The following RAB7A variants were observed in gnomAD, a reference collection of about 807,000 sequenced individuals.
RAB7A encodes the protein ras-related protein Rab-7a.
In RAB7A, 2 loss-of-function variants were observed where a neutral mutation model predicts 24.5. The observed-to-expected ratio is 0.08, with a 90% confidence interval of 0.03 to 0.26. The LOEUF is 0.26. Ranked by LOEUF, RAB7A falls within the 10% of genes least tolerant of loss-of-function variation. The pLI is 1.00. For synonymous variants in RAB7A, 100 were observed against 95.9 expected, an observed-to-expected ratio of 1.04 and a Z score of -0.25; for missense variants, 118 against 255.7, an observed-to-expected ratio of 0.46 and a Z score of 3.67.
chr3:128,765,654 G>C (rs540387744), intron 1 of RAB7A, among the ~76,000 whole-genome samples: 1 of 152,274 alleles, frequency 6.6e-6, no homozygotes, highest in South Asian at 2.1e-4. Context: ...ATGGTGGAAG[G>C]GGCGAGGTGG....
At chr3:128,744,588 A>T (rs1186963634) in intron 1 of RAB7A, among the ~76,000 whole-genome samples, 1 of 152,212 alleles carries the variant, frequency 6.6e-6, no homozygotes, top group African/African-American at 2.4e-5. Flanking sequence ...GTGATCTGCT[A>T]AGCTGCTTTG....
intron 1 of RAB7A, among the ~76,000 whole-genome samples, chr3:128,732,284 C>G (rs1480243287): frequency 6.6e-6 from 1 of 151,784 alleles, no homozygotes; most frequent in African/African-American, 2.4e-5. Context: ...GTGATCCGCC[C>G]GCCTTGGCCT....
intron 1 of RAB7A, among the ~76,000 whole-genome samples, chr3:128,751,074 A>T (rs1469471037): frequency 1.3e-5 from 2 of 152,244 alleles, no homozygotes; most frequent in Non-Finnish European, 2.9e-5. Context: ...ATTTCAGAGG[A>T]TGCATTGAAA....
At chr3:128,752,726 GA>G (rs142636533) in intron 1 of RAB7A, among the ~76,000 whole-genome samples, 6,072 of 147,374 alleles carry the variant, frequency 0.041, 173 homozygotes, top group Non-Finnish European at 0.057. Flanking sequence ...TTGGTCTCAA[GA>G]AGCTTTTCCT....
rs532503337 is a variant in RAB7A at position 128,804,349 on chromosome 3, C to T, written c.181-2023C>T. On this transcript the variant is annotated intron_variant, in intron 3 of 5. Transcript: ENST00000265062. The stretch of plus-strand genomic sequence containing the variant: ...AAGCCCTTTAAAGTTAACTCCCACA[C>T]TGCTTTCAGAGAACAGCTGCCCCTT... Among the ~76,000 whole-genome samples the T allele has an allele frequency of 7.2e-5, 11 of 152,342 alleles. No homozygotes were observed. The South Asian group carries it at 2.3e-3, about 32-fold the overall frequency.
intron 1 of RAB7A, among the ~76,000 whole-genome samples, chr3:128,756,898 C>T (rs2070734026): frequency 6.7e-6 from 1 of 149,798 alleles, no homozygotes; most frequent in African/African-American, 2.5e-5. Context: ...CGCTGGAGTG[C>T]AGTGGCATGA....
At chr3:128,775,384 C>T (rs915558772) in intron 1 of RAB7A, among the ~76,000 whole-genome samples, 13 of 152,218 alleles carry the variant, frequency 8.5e-5, no homozygotes, top group Admixed American at 6.5e-5. Context: ...GAGAAGAGGA[C>T]ACATTTGCCT....
intron 3 of RAB7A, among the ~76,000 whole-genome samples, chr3:128,805,388 T>A (rs556496792): frequency 6.6e-6 from 1 of 152,166 alleles, no homozygotes; most frequent in South Asian, 2.1e-4. Flanking sequence ...TGAGTTGTTA[T>A]CATGTTCGTC....
At chr3:128,745,726 AAC>A (rs1239602455) in intron 1 of RAB7A, among the ~76,000 whole-genome samples, 1 of 152,228 alleles carries the variant, frequency 6.6e-6, no homozygotes, top group East Asian at 1.9e-4. Context: ...TGTTCCAGGA[AAC>A]ACAGTCCAGG....
intron 1 of RAB7A, among the ~76,000 whole-genome samples, chr3:128,747,481 G>C (rs755479757): frequency 6.6e-6 from 1 of 151,494 alleles, no homozygotes; most frequent in Admixed American, 6.6e-5. Flanking sequence ...AGCTACTTGG[G>C]AGGCTGAGGC....
Position 128,761,151 on chromosome 3 carries a change from C to T in RAB7A, c.-8-34209C>T, listed in dbSNP as rs191080942. Among the ~76,000 whole-genome samples, 12 of 152,302 alleles carry T rather than the reference C, an allele frequency of 7.9e-5. No homozygotes were observed. In the East Asian group the frequency reaches 2.3e-3, roughly 29 times the overall value. On this transcript the variant is annotated intron_variant, in intron 1 of 5. Transcript: ENST00000265062. ...GTTGCCTCCTCCCCATGTTAAAATTCTGGCCTGTATTCTTCTAAGATAATC... is the reference window on the plus strand; with the variant it reads ...GTTGCCTCCTCCCCATGTTAAAATTTTGGCCTGTATTCTTCTAAGATAATC...
chr3:128,733,755 C>G (rs34900439), intron 1 of RAB7A, among the ~76,000 whole-genome samples: 8 of 152,196 alleles, frequency 5.3e-5, no homozygotes, highest in African/African-American at 1.9e-4. Context: ...TTTAAAGGCC[C>G]TGTCTGCAAA....
intron 2 of RAB7A, among the ~76,000 whole-genome samples, chr3:128,797,169 A>G (rs986527572): frequency 6.6e-6 from 1 of 152,150 alleles, no homozygotes; most frequent in African/African-American, 2.4e-5. Flanking sequence ...CACCTTGTAG[A>G]TTCTGGCTTA....
intron 1 of RAB7A, among the ~76,000 whole-genome samples, chr3:128,758,754 C>CT (rs1281605759): frequency 2.6e-5 from 4 of 152,126 alleles, no homozygotes; most frequent in Non-Finnish European, 2.9e-5. Flanking sequence ...CAATGATATT[C>CT]TGGTTGTGGA....
chr3:128,742,134 T>C (rs914873547), intron 1 of RAB7A, among the ~76,000 whole-genome samples: 2 of 152,058 alleles, frequency 1.3e-5, no homozygotes, highest in African/African-American at 4.8e-5. Flanking sequence ...GCTTCAGGAG[T>C]GAAGCTGCAG....
intron 3 of RAB7A, among the ~76,000 whole-genome samples, chr3:128,802,480 A>AT (rs1933720362): frequency 3.3e-5 from 5 of 152,126 alleles, no homozygotes; most frequent in Admixed American, 2.6e-4. Flanking sequence ...TAGGGTACAT[A>AT]TTTTATTTTA....
intron 1 of RAB7A, among the ~76,000 whole-genome samples, chr3:128,773,237 C>T (rs1461669310): frequency 6.6e-6 from 1 of 151,950 alleles, no homozygotes. Flanking sequence ...CCCCTCCGCC[C>T]GGCAGCCGCC....
chr3:128,792,299 TAAC>T lies in RAB7A; in HGVS notation c.-8-3058_-8-3056del, dbSNP rs1933472179. 3.3e-5 allele frequency among the ~76,000 whole-genome samples: 5 copies of T among 152,330 alleles called. No homozygotes were observed. The South Asian group carries it at 1.0e-3, about 32-fold the overall frequency. On this transcript the variant is annotated intron_variant, in intron 1 of 5. Coordinates refer to ENST00000265062, the MANE Select transcript of RAB7A (RefSeq NM_004637.6). ...GCATTGGTACACCAGTGAAACCTAT[TAAC>T]AAAGCAAGTTATGCAAATCCCTTTT... is the stretch of plus-strand genomic sequence containing the variant.
At chr3:128,752,002 C>G (rs369792543) in intron 1 of RAB7A, among the ~76,000 whole-genome samples, 3 of 152,206 alleles carry the variant, frequency 2.0e-5, no homozygotes, top group Admixed American at 6.5e-5. Context: ...CCTCCTTGCC[C>G]TCTGCCATGA....
Sources: allele counts gnomAD v4.1 joint callset (sites outside exome capture counted in the v4.1 genomes callset), GRCh38; gene constraint gnomAD v4.1.1; transcripts MANE v1.5; gene names NCBI Gene and HGNC (gene_info 2026-07-23, HGNC 2026-07-21).